Variants in RASA1 observed in about 807,000 individuals in gnomAD.
RASA1 encodes ras GTPase-activating protein 1.
In RASA1, 25 loss-of-function variants were observed where a neutral mutation model predicts 132.2. The observed-to-expected ratio is 0.19, with a 90% confidence interval of 0.14 to 0.26. The LOEUF (loss-of-function observed/expected upper bound fraction) is 0.26, where lower values mean the gene tolerates loss of function less well. Ranked by LOEUF, RASA1 falls within the 10% of genes least tolerant of loss-of-function variation. The pLI is 1.00. For missense variants in RASA1, 964 were observed against 1,299.2 expected, an observed-to-expected ratio of 0.74 and a Z score of 3.97; for synonymous variants, 477 against 449.9, an observed-to-expected ratio of 1.06 and a Z score of -0.76.
chr5:87,375,495 A>G (rs893485915), intron 15 of RASA1, among the ~76,000 whole-genome samples: 2 of 152,214 alleles, frequency 1.3e-5, no homozygotes, highest in African/African-American at 4.8e-5. Context: ...TCCTGACCTC[A>G]GGTGATCTGC....
At chr5:87,272,067 T>G (rs1013563279) in intron 1 of RASA1, among the ~76,000 whole-genome samples, 1 of 151,362 alleles carries the variant, frequency 6.6e-6, no homozygotes, top group African/African-American at 2.4e-5. Flanking sequence ...CAGAATTGCT[T>G]GAACCAGGGA....
At chr5:87,379,625 G>A in intron 18 of RASA1, 110 bp from the exon 19 acceptor site, 1 of 1,433,974 alleles carries the variant, frequency 7.0e-7, no homozygotes, top group Admixed American at 2.3e-5. Flanking sequence ...AATACACACA[G>A]AGATACCGAA....
intron 1 of RASA1, among the ~76,000 whole-genome samples, chr5:87,306,347 C>T (rs533893275): frequency 6.6e-6 from 1 of 152,248 alleles, no homozygotes; most frequent in East Asian, 1.9e-4. Context: ...AGCCATTATC[C>T]TCAGCAAACT....
intron 9 of RASA1, among the ~76,000 whole-genome samples, chr5:87,360,513 A>C (rs899751613): frequency 3.3e-5 from 5 of 152,204 alleles, no homozygotes; most frequent in African/African-American, 1.2e-4. Context: ...ATTTTAAAAC[A>C]CCAGTTAACA....
chr5:87,305,979 G>A (rs927614178), intron 1 of RASA1, among the ~76,000 whole-genome samples: 6 of 152,228 alleles, frequency 3.9e-5, no homozygotes, highest in African/African-American at 2.4e-5. Context: ...AGATGCTGGC[G>A]AGGTTGTGGA....
rs535184719 is a variant in RASA1, at chr5:87,319,236, A to T, written c.540-12112A>T. Reference sequence around the variant, plus strand: ...GGCACACAGTGCAAGCTGTCAGTGGATCTACCCTTGTGGGGTCTGGAGGAT... The same window carrying T: ...GGCACACAGTGCAAGCTGTCAGTGGTTCTACCCTTGTGGGGTCTGGAGGAT... On this transcript the variant is annotated intron_variant, in intron 1 of 24. Coordinates refer to ENST00000274376, the MANE Select transcript of RASA1 (RefSeq NM_002890.3). Among the ~76,000 whole-genome samples the T allele has an allele frequency of 3.5e-3, 527 of 152,326 alleles. 5 individuals are homozygous for T. The highest frequency in any genetic ancestry group is 5.1e-3 in the Non-Finnish European group (345 of 68,022).
chr5:87,387,781 TATTTATAGTGAA>T (rs1034598195), intron 23 of RASA1, among the ~76,000 whole-genome samples: 3 of 152,206 alleles, frequency 2.0e-5, no homozygotes, highest in South Asian at 2.1e-4. Flanking sequence ...CATAGCTCCA[TATTTATAGTGAA>T]ATTTATAGTG....
rs559249101 is a variant in RASA1, at chr5:87,344,177, A to G, written c.1050-2495A>G. On this transcript the variant is annotated intron_variant, in intron 6 of 24. Transcript: ENST00000274376. ...CTGGATATTTAAAAATAACTAAAAG[A>G]GTGGAATTTGAATATGCCTAATACA... is the stretch of plus-strand genomic sequence containing the variant. 3.3e-5 allele frequency among the ~76,000 whole-genome samples: 5 copies of G among 152,204 alleles called. No homozygotes were observed. The South Asian group carries it at 1.0e-3, about 32-fold the overall frequency.
intron 6 of RASA1, 73 bp downstream of exon 6, chr5:87,341,394 C>CA (rs1281181204): frequency 1.6e-5 from 18 of 1,099,372 alleles, no homozygotes; most frequent in Admixed American, 4.0e-5. Context: ...AAACTTTGGC[C>CA]AAAAAAATTG....
chr5:87,331,589 CTCAG>C, intron 2 of RASA1, 89 bp downstream of exon 2: 1 of 1,393,688 alleles, frequency 7.2e-7, no homozygotes, highest in Non-Finnish European at 1.0e-6. Context: ...AGGTGAATGA[CTCAG>C]TAACAAATAA....
chr5:87,361,147 T>C (rs4421140), intron 9 of RASA1, among the ~76,000 whole-genome samples: 30,091 of 152,054 alleles, frequency 0.2, 3,511 homozygotes, highest in East Asian at 0.45. Flanking sequence ...GTGTGTCCAC[T>C]AAAGTCTGTC....
chr5:87,326,621 C>T (rs568153568), intron 1 of RASA1, among the ~76,000 whole-genome samples: 2 of 152,232 alleles, frequency 1.3e-5, no homozygotes, highest in South Asian at 2.1e-4. Context: ...TAATGTGTTA[C>T]ATTAAGCAGT....
At chr5:87,338,598 C>T (rs1316111203) in intron 5 of RASA1, among the ~76,000 whole-genome samples, 1 of 146,064 alleles carries the variant, frequency 6.8e-6, no homozygotes, top group Non-Finnish European at 1.5e-5. Context: ...TCTCAAACGC[C>T]TGACCTCAAG....
chr5:87,362,303 A>C (rs1171303423), intron 9 of RASA1, among the ~76,000 whole-genome samples: 1 of 152,208 alleles, frequency 6.6e-6, no homozygotes, highest in East Asian at 1.9e-4. Context: ...CCATGGAAAC[A>C]GACAACTTAT....
Position 87,331,411 on chromosome 5 carries a change from T to A in RASA1, c.603T>A (p.Ser201=). The A allele has an allele frequency of 6.2e-7, 1 of 1,613,696 alleles. No individual in the cohort carries two copies. Among genetic ancestry groups the A allele is most frequent in the Non-Finnish European group, 8.5e-7 (1 of 1,179,634 alleles). The change falls in exon 2 of 25, where the codon TCT becomes TCA. Residue 201 remains serine, a synonymous_variant. Coordinates refer to ENST00000274376, the MANE Select transcript of RASA1 (RefSeq NM_002890.3). The part of the protein sequence containing the change: ...AEERLRQAGK[S]GSYLIRESDR... Reference sequence around the variant, plus strand: ...AACGCCTCAGGCAGGCAGGGAAGTCTGGCAGTTATCTTATAAGAGAGAGTG... The same window carrying A: ...AACGCCTCAGGCAGGCAGGGAAGTCAGGCAGTTATCTTATAAGAGAGAGTG...
intron 1 of RASA1, among the ~76,000 whole-genome samples, chr5:87,318,239 G>T (rs1337106177): frequency 1.3e-5 from 2 of 152,026 alleles, no homozygotes; most frequent in Non-Finnish European, 2.9e-5. Flanking sequence ...ATGCTATAGG[G>T]TATATAAAAA....
intron 9 of RASA1, among the ~76,000 whole-genome samples, chr5:87,353,531 AACC>A (rs1759433702): frequency 6.6e-6 from 1 of 152,050 alleles, no homozygotes. Flanking sequence ...AGCAGGGATA[AACC>A]ACAGCCAGGA....
chr5:87,307,246 G>T (rs745707822), intron 1 of RASA1, among the ~76,000 whole-genome samples: 1 of 152,036 alleles, frequency 6.6e-6, no homozygotes, highest in Non-Finnish European at 1.5e-5. Flanking sequence ...CTGCATTACG[G>T]TTTGACAGGT....
intron 1 of RASA1, among the ~76,000 whole-genome samples, chr5:87,297,747 T>C (rs1281640079): frequency 6.6e-6 from 1 of 152,216 alleles, no homozygotes; most frequent in Non-Finnish European, 1.5e-5. Context: ...TTCTCTGATA[T>C]TTACTGTAAG....
Sources: gnomAD v4.1 joint callset for allele counts (sites outside exome capture counted in the v4.1 genomes callset) on GRCh38, gnomAD v4.1.1 for gene constraint, MANE v1.5 for transcripts, NCBI Gene and HGNC (gene_info 2026-07-23, HGNC 2026-07-21) for gene names.